TMTC2: variants seen among roughly 807,000 people sequenced by gnomAD.
TMTC2 encodes the protein transmembrane O-mannosyltransferase targeting cadherins 2.
TMTC2 carries 43 observed loss-of-function variants against 82.4 expected under a neutral mutation model. That is an observed-to-expected ratio of 0.52 (90% CI 0.41 to 0.67). The LOEUF (loss-of-function observed/expected upper bound fraction) is 0.67, where lower values mean the gene tolerates loss of function less well. Among genes scored for constraint, TMTC2 ranks in the 30% least tolerant of loss-of-function variants. The pLI, the probability that TMTC2 is intolerant of heterozygous loss-of-function variation, is 0.00. For synonymous variants in TMTC2, 408 were observed against 381.9 expected (o/e 1.07, Z -0.80); for missense variants, 919 against 1,012.4 (o/e 0.91, Z 1.25).
At chr12:82,882,321 C>T (rs1299222271) in intron 2 of TMTC2, among the ~76,000 whole-genome samples, 1 of 152,084 alleles carries the variant, frequency 6.6e-6, no homozygotes, top group Non-Finnish European at 1.5e-5. Context: ...AATAACTAGC[C>T]TTCGGGTACT....
chr12:82,820,737 A>G (rs1355517481), intron 1 of TMTC2, among the ~76,000 whole-genome samples: 1 of 152,250 alleles, frequency 6.6e-6, no homozygotes, highest in East Asian at 1.9e-4. Context: ...TTTTACAAAC[A>G]TACTATTGAT....
chr12:83,109,645 C>T (rs1432943862), intron 11 of TMTC2, among the ~76,000 whole-genome samples: 1 of 152,168 alleles, frequency 6.6e-6, no homozygotes, highest in Non-Finnish European at 1.5e-5. Flanking sequence ...ATGGAAATCA[C>T]CAGTGTTTCA....
At chr12:83,015,415 C>T (rs1251897886) in intron 8 of TMTC2, among the ~76,000 whole-genome samples, 1 of 152,152 alleles carries the variant, frequency 6.6e-6, no homozygotes, top group Non-Finnish European at 1.5e-5. Flanking sequence ...TCTTGCATCT[C>T]AAAGATAAAC....
intron 1 of TMTC2, among the ~76,000 whole-genome samples, chr12:82,850,430 C>A (rs1370268016): frequency 1.3e-5 from 2 of 151,164 alleles, no homozygotes; most frequent in Non-Finnish European, 3.0e-5. Flanking sequence ...TCGTGAGCAA[C>A]CCCCAGGCTA....
chr12:82,814,474 G>A (rs1378253047), intron 1 of TMTC2, among the ~76,000 whole-genome samples: 2 of 152,182 alleles, frequency 1.3e-5, no homozygotes, highest in Non-Finnish European at 2.9e-5. Context: ...CAGACATCAA[G>A]TGCCATGACA....
chr12:83,086,213 G>A (rs1883652879), intron 11 of TMTC2, among the ~76,000 whole-genome samples: 2 of 151,642 alleles, frequency 1.3e-5, no homozygotes, highest in South Asian at 4.2e-4. Context: ...AGACAGTGGG[G>A]CGGCCAGGCA....
rs1054841216 is a variant in TMTC2 at position 82,802,720 on chromosome 12, A to G, written c.84-54290A>G. On this transcript the variant is annotated intron_variant, in intron 1 of 11. Coordinates refer to ENST00000321196, the MANE Select transcript of TMTC2 (RefSeq NM_152588.3). ...GAATTGCTGGTTTGAAGAATTAAGT[A>G]TAGGGATAATGTTGGAAAGACAGGA... 1.1e-4 allele frequency among the ~76,000 whole-genome samples: 17 copies of G among 152,290 alleles called. No homozygotes were observed. In the South Asian group the frequency reaches 2.7e-3, roughly 24 times the overall value.
chr12:82,988,469 A>T (rs1252765065), intron 8 of TMTC2, among the ~76,000 whole-genome samples: 1 of 152,110 alleles, frequency 6.6e-6, no homozygotes, highest in Non-Finnish European at 1.5e-5. Context: ...AAATGCCAGC[A>T]ACTAGGCACC....
In TMTC2 at chr12:82,896,052, G is replaced by A; in HGVS notation, c.889G>A (p.Asp297Asn). ...PDTLSFDWSMDAVPLLKTVCD... is the reference protein window; with the variant it reads ...PDTLSFDWSMNAVPLLKTVCD... ...TACCCTCAGTTTTGATTGGTCAATG[G>A]ATGCTGTGCCTCTGCTCAAAACAGT... is the stretch of plus-strand genomic sequence containing the variant. The change falls in exon 3 of 12, where the codon GAT becomes AAT. Residue 297 changes from aspartate to asparagine, a missense_variant. Transcript: ENST00000321196. 2 of 1,613,912 alleles carry A rather than the reference G, an allele frequency of 1.2e-6. No homozygotes were observed. The highest frequency in any genetic ancestry group is 2.2e-5 in the South Asian group (2 of 91,068).
At chr12:83,065,318 G>A (rs1224964514) in intron 11 of TMTC2, among the ~76,000 whole-genome samples, 1 of 151,668 alleles carries the variant, frequency 6.6e-6, no homozygotes, top group Non-Finnish European at 1.5e-5. Flanking sequence ...ATGTATTTTT[G>A]CATCATTTTA....
chr12:82,805,656 T>A (rs1341602920), intron 1 of TMTC2, among the ~76,000 whole-genome samples: 1 of 151,732 alleles, frequency 6.6e-6, no homozygotes, highest in Admixed American at 6.6e-5. Flanking sequence ...TATAGGCACC[T>A]GGCACCACGC....
chr12:83,004,084 T>C (rs1796206), intron 8 of TMTC2, among the ~76,000 whole-genome samples: 116,479 of 152,096 alleles, frequency 0.77, 46,153 homozygotes, highest in South Asian at 0.93. Context: ...TTTATTCTCT[T>C]TTTTGTCTTT....
chr12:82,892,102 C>T (rs1197457937), intron 2 of TMTC2, among the ~76,000 whole-genome samples: 4 of 152,178 alleles, frequency 2.6e-5, no homozygotes, highest in South Asian at 2.1e-4. Context: ...TCATTTATTT[C>T]GTCCTTACAG....
At chr12:82,835,273 A>G (rs960118123) in intron 1 of TMTC2, among the ~76,000 whole-genome samples, 19 of 152,236 alleles carry the variant, frequency 1.2e-4, no homozygotes, top group Non-Finnish European at 2.8e-4. Context: ...TATAATATCT[A>G]ATTGTAGACA....
intron 11 of TMTC2, among the ~76,000 whole-genome samples, chr12:83,079,952 G>A (rs983834803): frequency 1.3e-5 from 2 of 152,156 alleles, no homozygotes; most frequent in East Asian, 1.9e-4. Flanking sequence ...CTTAGGCCTT[G>A]AGGATGGAAT....
chr12:83,016,061 G>A lies in TMTC2; in HGVS notation c.2071-14737G>A, dbSNP rs552816645. 3.4e-4 allele frequency among the ~76,000 whole-genome samples: 52 copies of A among 152,190 alleles called. 1 individual carries two copies. The highest frequency in any genetic ancestry group is 9.9e-4 in the African/African-American group (41 of 41,516). Reference sequence around the variant, plus strand: ...TGTAAGTCACAGAAAATTATTGTTCGCAGAAGGTGACTCAAGAATCTTTAG... The same window carrying A: ...TGTAAGTCACAGAAAATTATTGTTCACAGAAGGTGACTCAAGAATCTTTAG... On this transcript the variant is annotated intron_variant, in intron 8 of 11. Coordinates refer to ENST00000321196, the MANE Select transcript of TMTC2 (RefSeq NM_152588.3).
At chr12:83,115,847 G>T (rs776209563) in intron 11 of TMTC2, among the ~76,000 whole-genome samples, 3 of 152,008 alleles carry the variant, frequency 2.0e-5, no homozygotes, top group Non-Finnish European at 2.9e-5. Context: ...GAGTGCAGTC[G>T]CACGAGCTCG....
intron 3 of TMTC2, among the ~76,000 whole-genome samples, chr12:82,905,829 C>T (rs1007311502): frequency 6.6e-6 from 1 of 151,772 alleles, no homozygotes; most frequent in African/African-American, 2.4e-5. Flanking sequence ...CCTGTATTCC[C>T]AGCTACTCGG....
chr12:83,000,031 A>G (rs1273617951), intron 8 of TMTC2, among the ~76,000 whole-genome samples: 1 of 152,368 alleles, frequency 6.6e-6, no homozygotes, highest in African/African-American at 2.4e-5. Context: ...ATTCCTAGAT[A>G]AAATGAGGAT....
Sources: gnomAD v4.1 joint callset for allele counts (sites outside exome capture counted in the v4.1 genomes callset) on GRCh38, gnomAD v4.1.1 for gene constraint, MANE v1.5 for transcripts, NCBI Gene and HGNC (gene_info 2026-07-23, HGNC 2026-07-21) for gene names.